SGCE: variants seen among roughly 807,000 people sequenced by gnomAD.
SGCE encodes the protein epsilon-sarcoglycan.
A neutral mutation model predicts 57.8 loss-of-function variants in SGCE; 26 were observed. The ratio of observed to expected loss-of-function variants is 0.45; its 90% CI spans 0.33 to 0.62. The LOEUF is 0.62. Ranked by LOEUF, SGCE falls within the 20% of genes least tolerant of loss-of-function variation. SGCE has a pLI of 0.02. For missense variants in SGCE, 468 were observed against 548.6 expected (o/e 0.85, Z 1.47); for synonymous variants, 183 against 189.5 (o/e 0.97, Z 0.28).
chr7:94,652,488 A>G (rs529274128), intron 1 of SGCE, among the ~76,000 whole-genome samples: 1 of 152,198 alleles, frequency 6.6e-6, no homozygotes, highest in Non-Finnish European at 1.5e-5. Context: ...CACTACTTCA[A>G]TATTTTGTGT....
chr7:94,655,388 T>C (rs1808475277), intron 1 of SGCE, among the ~76,000 whole-genome samples: 1 of 152,070 alleles, frequency 6.6e-6, no homozygotes, highest in South Asian at 2.1e-4. Context: ...CTCCCAGCAT[T>C]TCATGATTCC....
intron 1 of SGCE, among the ~76,000 whole-genome samples, chr7:94,645,429 G>A (rs1806922144): frequency 6.6e-6 from 1 of 152,068 alleles, no homozygotes; most frequent in South Asian, 2.1e-4. Flanking sequence ...GGAACCTATG[G>A]GGAAAAAAAT....
intron 1 of SGCE, 69 bp from the exon 2 acceptor site, chr7:94,629,910 T>C: frequency 6.3e-7 from 1 of 1,580,134 alleles, no homozygotes; most frequent in Non-Finnish European, 8.7e-7. Flanking sequence ...TAATTCAGCT[T>C]ACGCTGTTTA....
chr7:94,649,791 A>C (rs1807635502), intron 1 of SGCE, among the ~76,000 whole-genome samples: 1 of 152,212 alleles, frequency 6.6e-6, no homozygotes, highest in Non-Finnish European at 1.5e-5. Context: ...AGAAAGTTCT[A>C]AGTGTGAGGC....
At chr7:94,617,242 A>C (rs1802068989) in intron 5 of SGCE, 1 of 152,204 alleles carries the variant, frequency 6.6e-6, no homozygotes, top group South Asian at 2.1e-4. Context: ...GCAGTGCTTT[A>C]GGTCACAGTT....
chr7:94,640,465 C>T (rs780475771), intron 1 of SGCE, among the ~76,000 whole-genome samples: 1 of 152,112 alleles, frequency 6.6e-6, no homozygotes, highest in African/African-American at 2.4e-5. Flanking sequence ...TGTCTACTCT[C>T]TGATTTTTCA....
Position 94,600,699 on chromosome 7 carries a change from T to G in SGCE, c.984A>C (p.Ala328=). Residue 328 remains alanine (A), a synonymous_variant, in exon 7 of 11, where the codon GCA becomes GCC. Transcript: ENST00000648936. ...AAGCAAGTATTAGAAAAAGGACCAGTGCCACTGCCGAGGGCACAGCCAGTG... is the reference window on the plus strand; with the variant it reads ...AAGCAAGTATTAGAAAAAGGACCAGGGCCACTGCCGAGGGCACAGCCAGTG... ...LITLAVPSAV[A]LVLFLILAYI... 1 of 1,613,876 alleles carries G rather than the reference T, an allele frequency of 6.2e-7. No homozygotes were observed. The highest frequency in any genetic ancestry group is 8.5e-7 in the Non-Finnish European group (1 of 1,179,876).
At chr7:94,623,218 A>T (rs1352843331) in intron 4 of SGCE, 107 bp downstream of exon 4, 26 of 650,288 alleles carry the variant, frequency 4.0e-5, no homozygotes. Context: ...CATCAGTTAT[A>T]TTAGGTATGT....
At chr7:94,628,575 A>C (rs1804141189) in intron 2 of SGCE, 3 of 538,002 alleles carry the variant, frequency 5.6e-6, no homozygotes, top group Non-Finnish European at 1.0e-5. Flanking sequence ...GATGCAACAA[A>C]GAAAGCAGAT....
Position 94,629,845 on chromosome 7 carries a change from A to T in SGCE, c.110-4T>A. The T allele has an allele frequency of 6.2e-7, 1 of 1,610,448 alleles. No homozygotes were observed. Among genetic ancestry groups the T allele is most frequent in the Non-Finnish European group, 8.5e-7 (1 of 1,177,318 alleles). ...ACCTTGGAGAAAATACTGTACACTG[A>T]AAACAAAGAGGAAAGATAAGTGACA... On this transcript the variant is annotated splice_polypyrimidine_tract_variant and splice_region_variant and intron_variant, in intron 1 of 10. Transcript: ENST00000648936.
At chr7:94,651,640 A>G (rs1160912254) in intron 1 of SGCE, among the ~76,000 whole-genome samples, 4 of 152,234 alleles carry the variant, frequency 2.6e-5, no homozygotes, top group African/African-American at 9.6e-5. Context: ...ACAAATATTT[A>G]TGTACACAGA....
At chr7:94,589,613 GTTCTGCCTCCTGTCA>G (rs1797386896) in intron 9 of SGCE, 1 of 152,482 alleles carries the variant, frequency 6.6e-6, no homozygotes. Flanking sequence ...TACCACCTGG[GTTCTGCCTCCTGTCA>G]GACCAGCGGC....
chr7:94,605,791 CAG>C (rs1800027764), intron 5 of SGCE, among the ~76,000 whole-genome samples: 1 of 151,988 alleles, frequency 6.6e-6, no homozygotes, highest in Admixed American at 6.6e-5. Context: ...AGGCAACAAA[CAG>C]AAAACAGTAA....
chr7:94,634,164 TA>T (rs1050612238), intron 1 of SGCE, among the ~76,000 whole-genome samples: 24 of 152,202 alleles, frequency 1.6e-4, no homozygotes, highest in Non-Finnish European at 7.4e-5. Context: ...CTAATCACTT[TA>T]AAATGTCCAT....
At chr7:94,627,371 A>G (rs960568022) in intron 3 of SGCE, 1 of 152,006 alleles carries the variant, frequency 6.6e-6, no homozygotes, top group East Asian at 1.9e-4. Context: ...CCCAGCTACA[A>G]TGCTAGGTGC....
chr7:94,608,237 G>A (rs966326034), intron 5 of SGCE, among the ~76,000 whole-genome samples: 1 of 152,170 alleles, frequency 6.6e-6, no homozygotes, highest in Non-Finnish European at 1.5e-5. Flanking sequence ...AGCTTCTCAG[G>A]AGGCTGAGCC....
At chr7:94,604,477 C>A (rs569770598) in intron 5 of SGCE, among the ~76,000 whole-genome samples, 10 of 151,704 alleles carry the variant, frequency 6.6e-5, no homozygotes, top group Non-Finnish European at 1.2e-4. Flanking sequence ...TCACAATTCC[C>A]AATTTGAAAA....
intron 5 of SGCE, 54 bp downstream of exon 5, chr7:94,618,704 G>T: frequency 1.4e-6 from 2 of 1,443,858 alleles, no homozygotes; most frequent in Non-Finnish European, 1.9e-6. Flanking sequence ...AGTTTGATAA[G>T]ATCACCGTAT....
chr7:94,639,244 C>G, intron 1 of SGCE: 1 of 759,362 alleles, frequency 1.3e-6, no homozygotes, highest in Non-Finnish European at 2.1e-6. Flanking sequence ...ACAACAACAA[C>G]AAAAAGCCAC....
Sources: allele counts gnomAD v4.1 joint callset (sites outside exome capture counted in the v4.1 genomes callset), GRCh38; gene constraint gnomAD v4.1.1; transcripts MANE v1.5; gene names NCBI Gene and HGNC (gene_info 2026-07-23, HGNC 2026-07-21).